The following SLC28A3 variants were observed in gnomAD, a reference collection of about 807,000 sequenced individuals.
SLC28A3 encodes the protein solute carrier family 28 member 3.
A neutral mutation model predicts 84.2 loss-of-function variants in SLC28A3; 68 were observed. That is an observed-to-expected ratio of 0.81 (90% CI 0.66 to 0.99). The LOEUF (loss-of-function observed/expected upper bound fraction) is 0.99. SLC28A3 is among the 50% of genes least tolerant of loss of function. The pLI, the probability that SLC28A3 is intolerant of heterozygous loss-of-function variation, is 0.00. For missense variants in SLC28A3, 712 were observed against 841.5 expected, an observed-to-expected ratio of 0.85 and a Z score of 1.90; for synonymous variants, 267 against 303.6, an observed-to-expected ratio of 0.88 and a Z score of 1.25.
intron 1 of SLC28A3, among the ~76,000 whole-genome samples, chr9:84,317,425 T>C (rs2118464565): frequency 6.6e-6 from 1 of 152,318 alleles, no homozygotes; most frequent in East Asian, 1.9e-4. Context: ...TCCTGCCCTG[T>C]ACGCTGGTTT....
upstream of SLC28A3, chr9:84,340,764 C>G (rs1827135955): frequency 4.1e-6 from 4 of 973,716 alleles, no homozygotes; most frequent in African/African-American, 1.7e-5. Flanking sequence ...AGTTTGGAAA[C>G]TTCTGCAATA....
chr9:84,346,144 C>T, the SLC28A3 span, among the ~76,000 whole-genome samples: 3 of 152,336 alleles, frequency 2.0e-5, no homozygotes, highest in East Asian at 1.9e-4. Flanking sequence ...TGTGTAGCAA[C>T]CAAATCACTA....
intron 1 of SLC28A3, among the ~76,000 whole-genome samples, chr9:84,330,951 A>C (rs1158337035): frequency 2.6e-5 from 4 of 152,154 alleles, no homozygotes; most frequent in Non-Finnish European, 5.9e-5. Flanking sequence ...ATCTTTATCT[A>C]CATTATTAAT....
chr9:84,314,285 C>G (rs535487021), intron 1 of SLC28A3, among the ~76,000 whole-genome samples: 1 of 152,100 alleles, frequency 6.6e-6, no homozygotes, highest in African/African-American at 2.4e-5. Flanking sequence ...TAGGGCCGTC[C>G]GGACCCCTCA....
At position 84,313,438 on chromosome 9, in the gene SLC28A3, A is replaced by G. The variant is rs1376355378; in HGVS notation, c.77T>C (p.Leu26Pro). The change falls in exon 2 of 18, where the codon CTT (leucine) becomes CCT (proline). Residue 26 changes from leucine (L) to proline (P), a missense_variant. Leu to Pro is a moderately conservative substitution (Grantham distance 98). Transcript: ENST00000376238. Reference protein sequence around the residue: ...NVGFQNEENFLENENTSGNNS... With the variant: ...NVGFQNEENFPENENTSGNNS... The stretch of plus-strand genomic sequence containing the variant: ...GTTTCCTGATGTGTTCTCGTTCTCA[A>G]GAAAGTTTTCTTCATTCTAAGAAAA... 12 of 1,613,856 alleles carry G rather than the reference A, an allele frequency of 7.4e-6. No individual in the cohort carries two copies. The highest frequency in any genetic ancestry group is 2.2e-5 in the South Asian group (2 of 91,056).
chr9:84,341,854 T>C (rs7853598), upstream of SLC28A3, among the ~76,000 whole-genome samples: 8,202 of 152,078 alleles, frequency 0.054, 452 homozygotes, highest in East Asian at 0.17. Context: ...AAAGGCCTGG[T>C]GCGGTGGCTC....
At chr9:84,363,814 C>G in the SLC28A3 span, among the ~76,000 whole-genome samples, 5 of 151,538 alleles carry the variant, frequency 3.3e-5, no homozygotes. Context: ...GGTCTTGAAC[C>G]CTTGGGCTCA....
At chr9:84,357,503 G>A in the SLC28A3 span, among the ~76,000 whole-genome samples, 12 of 151,882 alleles carry the variant, frequency 7.9e-5, no homozygotes, top group Non-Finnish European at 4.4e-5. Flanking sequence ...CTGGCCTGCC[G>A]CTCCTGTTGG....
intron 2 of SLC28A3, chr9:84,310,567 T>A: frequency 2.0e-6 from 2 of 985,452 alleles, no homozygotes; most frequent in Non-Finnish European, 2.4e-6. Flanking sequence ...TTCTGTCATA[T>A]CCAATGTGGC....
At chr9:84,312,744 G>T (rs1826033750) in intron 2 of SLC28A3, among the ~76,000 whole-genome samples, 1 of 151,986 alleles carries the variant, frequency 6.6e-6, no homozygotes, top group Admixed American at 6.6e-5. Flanking sequence ...TCACCATGTT[G>T]GCCAGGCTGG....
At chr9:84,345,584 C>A (rs1299085663), upstream of SLC28A3, among the ~76,000 whole-genome samples, 1 of 152,086 alleles carries the variant, frequency 6.6e-6, no homozygotes, top group Admixed American at 6.6e-5. Context: ...AAGAATGCAA[C>A]AACATTTGGG....
chr9:84,298,167 A>C, intron 6 of SLC28A3, 148 bp from the exon 7 acceptor site: 2 of 667,354 alleles, frequency 3.0e-6, no homozygotes, highest in South Asian at 3.6e-5. Context: ...TGTCATAAGC[A>C]GAGAACCCTT....
chr9:84,345,702 C>T (rs192657269), upstream of SLC28A3, among the ~76,000 whole-genome samples: 38 of 152,224 alleles, frequency 2.5e-4, no homozygotes, highest in African/African-American at 8.9e-4. Flanking sequence ...AAAATTGACA[C>T]CTAATTAGAG....
intron 1 of SLC28A3, among the ~76,000 whole-genome samples, chr9:84,320,040 G>GT (rs1182939298): frequency 0.013 from 790 of 59,584 alleles, 198 homozygotes; most frequent in African/African-American, 0.027. Flanking sequence ...GGCTTGCACT[G>GT]TTTTTTTTTT....
chr9:84,336,616 C>T (rs1826984827), intron 1 of SLC28A3, among the ~76,000 whole-genome samples: 1 of 152,114 alleles, frequency 6.6e-6, no homozygotes, highest in African/African-American at 2.4e-5. Flanking sequence ...GTTGAGGCTG[C>T]AGTGAGCTGA....
intron 14 of SLC28A3, among the ~76,000 whole-genome samples, chr9:84,284,224 G>A (rs1171365366): frequency 6.6e-6 from 1 of 152,170 alleles, no homozygotes; most frequent in Admixed American, 6.5e-5. Flanking sequence ...ACTGGTTTTG[G>A]TGGCATCTAA....
chr9:84,298,519 T>A (rs1453233919), intron 6 of SLC28A3, among the ~76,000 whole-genome samples: 1 of 152,134 alleles, frequency 6.6e-6, no homozygotes, highest in Admixed American at 6.6e-5. Context: ...CAGCATTGCA[T>A]TCCTTCTCCC....
intron 1 of SLC28A3, among the ~76,000 whole-genome samples, chr9:84,334,756 C>G (rs985667345): frequency 6.6e-6 from 1 of 151,960 alleles, no homozygotes; most frequent in African/African-American, 2.4e-5. Context: ...ACCATTTTTC[C>G]TAGCCTAACT....
chr9:84,301,807 G>A (rs901154089), intron 5 of SLC28A3, among the ~76,000 whole-genome samples: 5 of 152,144 alleles, frequency 3.3e-5, no homozygotes, highest in Admixed American at 2.6e-4. Flanking sequence ...CAGGTCAGAG[G>A]GAGAGTGAAA....
Sources: gnomAD v4.1 joint callset for allele counts (sites outside exome capture counted in the v4.1 genomes callset) on GRCh38, gnomAD v4.1.1 for gene constraint, MANE v1.5 for transcripts, NCBI Gene and HGNC (gene_info 2026-07-23, HGNC 2026-07-21) for gene names.